PIWIL2: variants seen among roughly 807,000 people sequenced by gnomAD.
PIWIL2 encodes piwi like RNA-mediated gene silencing 2, also known as piwi-like protein 2.
Under a neutral mutation model 116.5 loss-of-function variants are expected in PIWIL2, and 81 were observed. The observed-to-expected ratio is 0.70, with a 90% confidence interval of 0.58 to 0.84. The LOEUF (loss-of-function observed/expected upper bound fraction) is 0.84, where lower values mean the gene tolerates loss of function less well. Ranked by LOEUF, PIWIL2 falls within the 40% of genes least tolerant of loss-of-function variation. PIWIL2 has a pLI of 0.00. For synonymous variants in PIWIL2, 489 were observed against 429.5 expected, an observed-to-expected ratio of 1.14 and a Z score of -1.71; for missense variants, 1,272 against 1,212.3, an observed-to-expected ratio of 1.05 and a Z score of -0.73.
rs903082963 is a variant in PIWIL2 at position 22,281,031 on chromosome 8, A to T, written c.199-89A>T. On this transcript the variant is annotated intron_variant, in intron 2 of 22. Coordinates refer to ENST00000356766, the MANE Select transcript of PIWIL2 (RefSeq NM_018068.5). ...CTTATAACATGTATAGAATTTGAAGATGATTTTATTATATACCAAGACTAA... is the reference window on the plus strand; with the variant it reads ...CTTATAACATGTATAGAATTTGAAGTTGATTTTATTATATACCAAGACTAA... 18 of 736,464 alleles carry T rather than the reference A, an allele frequency of 2.4e-5. No individual in the cohort carries two copies. The African/African-American group carries it at 2.5e-4, about 10-fold the overall frequency. The allele number at this position is 736,464 out of a possible 1,614,324, so 45.6% of individuals were successfully genotyped here. A position where few individuals can be genotyped will look rare whatever the true frequency, so the allele number is the denominator to read the frequency against.
chr8:22,287,030 A>G (rs1830643847), intron 6 of PIWIL2, among the ~76,000 whole-genome samples: 1 of 151,852 alleles, frequency 6.6e-6, no homozygotes, highest in South Asian at 2.1e-4. Flanking sequence ...GATGGCAGTG[A>G]GCTATGATCA....
chr8:22,319,988 G>T (rs745475487), intron 20 of PIWIL2, among the ~76,000 whole-genome samples: 14 of 152,144 alleles, frequency 9.2e-5, no homozygotes, highest in Non-Finnish European at 1.9e-4. Flanking sequence ...TTGAGACAGG[G>T]TCTCACTCTG....
intron 20 of PIWIL2, among the ~76,000 whole-genome samples, chr8:22,321,416 A>G (rs948217633): frequency 6.6e-6 from 1 of 152,146 alleles, no homozygotes; most frequent in Non-Finnish European, 1.5e-5. Context: ...CCTGGCCAAA[A>G]GGTTTCATTT....
At chr8:22,330,720 A>ATAAAT (rs1262615992) in intron 20 of PIWIL2, among the ~76,000 whole-genome samples, 1 of 150,314 alleles carries the variant, frequency 6.7e-6, no homozygotes, top group Non-Finnish European at 1.5e-5. Flanking sequence ...AAATAAATAA[A>ATAAAT]TAAATAAATA....
intron 2 of PIWIL2, among the ~76,000 whole-genome samples, chr8:22,280,118 G>T (rs538889690): frequency 1.6e-4 from 24 of 152,134 alleles, no homozygotes; most frequent in Non-Finnish European, 2.5e-4. Flanking sequence ...GATGGACTTG[G>T]TAAGTACCAT....
chr8:22,308,612 C>T (rs1020926605), intron 14 of PIWIL2, among the ~76,000 whole-genome samples: 3 of 151,982 alleles, frequency 2.0e-5, no homozygotes, highest in African/African-American at 7.3e-5. Context: ...AAGATGGGGC[C>T]ACTGCACTCT....
chr8:22,321,352 A>G (rs953993610), intron 20 of PIWIL2, among the ~76,000 whole-genome samples: 4 of 151,986 alleles, frequency 2.6e-5, no homozygotes, highest in Admixed American at 6.6e-5. Flanking sequence ...GGCTCAAGCG[A>G]TCCTCCCACC....
rs755488374 is a variant in PIWIL2 at position 22,353,224 on chromosome 8, A to G, written c.2657+12A>G. The stretch of plus-strand genomic sequence containing the variant: ...ACAAGCTGTGAGTGGTAAGTGAGCA[A>G]AATATGTAGTATTGGAGGAAGAATA... On this transcript the variant is annotated intron_variant, in intron 21 of 22. Coordinates refer to ENST00000356766, the MANE Select transcript of PIWIL2 (RefSeq NM_018068.5). 2.5e-6 allele frequency: 4 copies of G among 1,604,396 alleles called. No homozygotes were observed. In the African/African-American group the frequency reaches 4.0e-5, roughly 16 times the overall value.
In PIWIL2 at chr8:22,304,102, A is replaced by G. The variant is rs1446284788; in HGVS notation, c.1263A>G (p.Arg421=). 4 of 1,608,576 alleles carry G rather than the reference A, an allele frequency of 2.5e-6. No homozygotes were observed. The highest frequency in any genetic ancestry group is 2.6e-6 in the Non-Finnish European group (3 of 1,174,900). ...KLLVGNIVIT[R]YNNRTYRIDD... is the part of the protein sequence containing the mutation. ...TGGTTGGCAATATTGTTATCACCCG[A>G]TATAACAATCGTACCTATCGTATTG... Residue 421 remains arginine, a synonymous_variant, in exon 11 of 23, where the codon CGA becomes CGG. Transcript: ENST00000356766.
intron 10 of PIWIL2, among the ~76,000 whole-genome samples, chr8:22,296,342 G>C (rs922819391): frequency 1.4e-4 from 21 of 152,026 alleles, no homozygotes; most frequent in African/African-American, 4.6e-4. Flanking sequence ...ACCGCGCCTG[G>C]CCCCCTCTTC....
In PIWIL2 at chr8:22,314,883, C is replaced by A. The variant is rs1385794668; in HGVS notation, c.2092-146C>A. 4 of 627,958 alleles carry A rather than the reference C, an allele frequency of 6.4e-6. No individual in the cohort carries two copies. In the African/African-American group the frequency reaches 7.3e-5, roughly 11 times the overall value. The allele number at this position is 627,958 out of a possible 1,614,324, so 38.9% of individuals were successfully genotyped here. On this transcript the variant is annotated intron_variant, in intron 17 of 22. Transcript: ENST00000356766. ...CCCATGTGCATGCATGCCTAGAAACCCTAGAATTAGAATTATTAATGCGAA... is the reference window on the plus strand; with the variant it reads ...CCCATGTGCATGCATGCCTAGAAACACTAGAATTAGAATTATTAATGCGAA...
chr8:22,346,940 G>A (rs985826980), intron 20 of PIWIL2, among the ~76,000 whole-genome samples: 3 of 151,956 alleles, frequency 2.0e-5, no homozygotes, highest in African/African-American at 4.8e-5. Flanking sequence ...CTGGGAGGAC[G>A]AGGTAGGAGG....
chr8:22,276,542 C>T (rs2131969549), intron 1 of PIWIL2, among the ~76,000 whole-genome samples: 1 of 152,198 alleles, frequency 6.6e-6, no homozygotes, highest in East Asian at 1.9e-4. Flanking sequence ...TCTCGAACCC[C>T]TGACCTTGTG....
Position 22,352,798 on chromosome 8 carries a change from T to A in PIWIL2, c.2404-161T>A, listed in dbSNP as rs536187215. On this transcript the variant is annotated intron_variant, in intron 20 of 22. Coordinates refer to ENST00000356766, the MANE Select transcript of PIWIL2 (RefSeq NM_018068.5). ...TACCCCAAGGAAGTCTAGAAATGAT[T>A]AGAAGCTTTTTTTCCCTGCCCTCTA... 57 of 640,462 alleles carry A rather than the reference T, an allele frequency of 8.9e-5. No homozygotes were observed. The South Asian group carries it at 1.4e-3, about 16-fold the overall frequency. 39.7% of individuals were successfully genotyped at this position (640,462 alleles called of 1,614,324 possible). A position where few individuals can be genotyped will look rare whatever the true frequency, so the allele number is the denominator to read the frequency against.
Position 22,287,515 on chromosome 8 carries a change from C to G in PIWIL2, c.744-13C>G. 1.3e-6 allele frequency: 2 copies of G among 1,553,986 alleles called. No individual in the cohort carries two copies. Among genetic ancestry groups the G allele is most frequent in the Non-Finnish European group, 1.8e-6 (2 of 1,124,990 alleles). On this transcript the variant is annotated splice_polypyrimidine_tract_variant and intron_variant, in intron 6 of 22. Transcript: ENST00000356766. ...AGTCAAGTTAAAGGAAAATCCTCTT[C>G]ATTATTTTCCAGCCCCAATGTGGAG... is the stretch of plus-strand genomic sequence containing the variant.
chr8:22,311,407 A>G lies in PIWIL2; in HGVS notation c.1989+107A>G, dbSNP rs76910573. 2,225 of 875,740 alleles carry G rather than the reference A, an allele frequency of 2.5e-3. 35 individuals are homozygous for G. The African/African-American group carries it at 0.035, about 14-fold the overall frequency. 54.2% of individuals were successfully genotyped at this position (875,740 alleles called of 1,614,324 possible). A position where few individuals can be genotyped will look rare whatever the true frequency, so the allele number is the denominator to read the frequency against. On this transcript the variant is annotated intron_variant, in intron 16 of 22. Transcript: ENST00000356766. The stretch of plus-strand genomic sequence containing the variant: ...AGTCTGCTGTTGATGATGCCCTAGA[A>G]CTTGTCTTACCCATGCGCACATGAA...
intron 20 of PIWIL2, among the ~76,000 whole-genome samples, chr8:22,325,481 CTTTTTT>C (rs749493740): frequency 9.7e-4 from 92 of 95,020 alleles, no homozygotes; most frequent in Non-Finnish European, 1.5e-3. Flanking sequence ...TTGATTTAGT[CTTTTTT>C]TTTTTTTTTT....
chr8:22,339,563 G>A (rs1406914209), intron 20 of PIWIL2, among the ~76,000 whole-genome samples: 1 of 152,070 alleles, frequency 6.6e-6, no homozygotes, highest in African/African-American at 2.4e-5. Context: ...TTGTGACCAT[G>A]TCTATTAATA....
intron 20 of PIWIL2, among the ~76,000 whole-genome samples, chr8:22,324,693 G>A (rs912123871): frequency 2.6e-5 from 4 of 152,156 alleles, no homozygotes; most frequent in African/African-American, 4.8e-5. Context: ...CAGTACCTGT[G>A]AATGTAACCT....
Sources: allele counts gnomAD v4.1 joint callset (sites outside exome capture counted in the v4.1 genomes callset), GRCh38; gene constraint gnomAD v4.1.1; transcripts MANE v1.5; gene names NCBI Gene and HGNC (gene_info 2026-07-23, HGNC 2026-07-21).